Variants in ELFN1 observed in about 807,000 individuals in gnomAD.
The protein encoded by ELFN1 is protein ELFN1.
A neutral mutation model predicts 7.6 loss-of-function variants in ELFN1; 6 were observed. The observed-to-expected ratio is 0.79, with a 90% CI of 0.43 to 1.56. The LOEUF is 1.56. ELFN1 is among the 40% of genes most tolerant of loss of function. ELFN1 has a pLI of 0.01. For missense variants in ELFN1, 1,169 were observed against 1,232.2 expected, an observed-to-expected ratio of 0.95 and a Z score of 0.77; for synonymous variants, 657 against 588.1, an observed-to-expected ratio of 1.12 and a Z score of -1.70.
intron 2 of ELFN1, among the ~76,000 whole-genome samples, chr7:1,704,649 C>T (rs1779494078): frequency 6.6e-6 from 1 of 152,108 alleles, no homozygotes; most frequent in Non-Finnish European, 1.5e-5. Context: ...ACCCACTGCC[C>T]TTGCTTGGGA....
intron 3 of ELFN1, among the ~76,000 whole-genome samples, chr7:1,741,154 A>C (rs1004448535): frequency 8.7e-5 from 13 of 149,852 alleles, no homozygotes; most frequent in African/African-American, 3.2e-4. Context: ...AAAAAGAAGA[A>C]AGAAAACTTT....
At chr7:1,669,001 A>C (rs993703780), upstream of ELFN1, among the ~76,000 whole-genome samples, 1 of 152,182 alleles carries the variant, frequency 6.6e-6, no homozygotes, top group Non-Finnish European at 1.5e-5. Context: ...GAAGGAGGCC[A>C]CAAGCTCTAA....
At chr7:1,727,796 T>C (rs1210373553) in intron 3 of ELFN1, among the ~76,000 whole-genome samples, 1 of 152,176 alleles carries the variant, frequency 6.6e-6, no homozygotes, top group South Asian at 2.1e-4. Context: ...TTTGCATAGA[T>C]GGGGTCTTGC....
rs890445682 is a variant in ELFN1 at position 1,735,029 on chromosome 7, T to C, written c.-293-9275T>C. On this transcript the variant is annotated intron_variant, in intron 3 of 3. Coordinates refer to ENST00000424383, the MANE Select transcript of ELFN1 (RefSeq NM_001128636.4). This position sits in a 1 kb window ranked among gnomAD's most constrained non-coding sequence, Gnocchi z 5.9. Reference sequence around the variant, plus strand: ...GCATTTTTAAGTAGCAGTGGAGTGCTGTTGCCGCCTTCCTGGGCCTTGCCG... The same window carrying C: ...GCATTTTTAAGTAGCAGTGGAGTGCCGTTGCCGCCTTCCTGGGCCTTGCCG... Among the ~76,000 whole-genome samples, 6 of 152,166 alleles carry C rather than the reference T, an allele frequency of 3.9e-5. No homozygotes were observed. Among genetic ancestry groups the C allele is most frequent in the African/African-American group, 1.2e-4 (5 of 41,442 alleles).
intron 3 of ELFN1, among the ~76,000 whole-genome samples, chr7:1,711,653 G>A (rs1051939712): frequency 4.1e-5 from 6 of 147,278 alleles, no homozygotes; most frequent in Admixed American, 6.8e-5. Flanking sequence ...AAGCGCACTC[G>A]GAAACGGAAA....
In ELFN1 at chr7:1,739,655, C is replaced by CAG. The variant is rs1214745745; in HGVS notation, c.-293-4644_-293-4643dup. Reference sequence around the variant, plus strand: ...CGTGGGGAAGGTGAAGGAGGCTGGACAGAGAGGGCGGTGGCTGGGATGCTG... The same window carrying CAG: ...CGTGGGGAAGGTGAAGGAGGCTGGACAGAGAGAGGGCGGTGGCTGGGATGCTG... On this transcript the variant is annotated intron_variant, in intron 3 of 3. Transcript: ENST00000424383. The surrounding 1 kb of genome is among the most constrained non-coding windows in gnomAD (Gnocchi z 4.6). The CAG allele has an allele frequency of 1.3e-5, 2 of 154,702 alleles. No homozygotes were observed. Among genetic ancestry groups the CAG allele is most frequent in the African/African-American group, 4.8e-5 (2 of 41,438 alleles). 9.6% of individuals were successfully genotyped at this position (154,702 alleles called of 1,614,324 possible).
intron 2 of ELFN1, among the ~76,000 whole-genome samples, chr7:1,704,760 AG>A (rs1157842249): frequency 6.6e-6 from 1 of 151,906 alleles, no homozygotes; most frequent in Admixed American, 6.6e-5. Flanking sequence ...GCCCCCCAGT[AG>A]GGGGCAGGGA....
chr7:1,730,053 C>T (rs372718666), intron 3 of ELFN1, among the ~76,000 whole-genome samples: 3 of 152,256 alleles, frequency 2.0e-5, no homozygotes, highest in African/African-American at 4.8e-5. Context: ...ATGCCATCTC[C>T]GAATCCGCCA....
At position 1,746,688 on chromosome 7, in the gene ELFN1, C is replaced by A; in HGVS notation, c.2092C>A (p.Arg698Ser). 1 of 1,436,968 alleles carries A rather than the reference C, an allele frequency of 7.0e-7. No homozygotes were observed. The highest frequency in any genetic ancestry group is 3.1e-5 in the East Asian group (1 of 32,284). The allele number at this position is 1,436,968 out of a possible 1,614,324, so 89.0% of individuals were successfully genotyped here. A position where few individuals can be genotyped will look rare whatever the true frequency, so the allele number is the denominator to read the frequency against. ...AVLRAEAEKG[R>S]QYGEHRHSYP... The stretch of plus-strand genomic sequence containing the variant: ...GCTGCGGGCCGAGGCCGAGAAGGGT[C>A]GCCAGTACGGCGAGCACCGGCACTC... Residue 698 changes from arginine to serine, a missense_variant, in exon 4 of 4, where the codon CGC becomes AGC. Physicochemically the swap from Arg to Ser is moderately radical, Grantham distance 110. Transcript: ENST00000424383.
intron 2 of ELFN1, among the ~76,000 whole-genome samples, chr7:1,689,423 C>T (rs1457788343): frequency 2.0e-5 from 3 of 152,180 alleles, no homozygotes; most frequent in African/African-American, 7.2e-5. Context: ...GGGAGGAACA[C>T]AGATTCCCGG....
chr7:1,679,985 G>A (rs921864305), intron 1 of ELFN1, among the ~76,000 whole-genome samples: 2 of 152,226 alleles, frequency 1.3e-5, no homozygotes, highest in African/African-American at 2.4e-5. Context: ...GCCCCTGAGC[G>A]CTCCTGTGTG....
chr7:1,718,852 C>G (rs1779915026), intron 3 of ELFN1, among the ~76,000 whole-genome samples: 1 of 152,182 alleles, frequency 6.6e-6, no homozygotes, highest in Non-Finnish European at 1.5e-5. Flanking sequence ...TCTCTGGCAT[C>G]CTATCCTGGA....
In ELFN1 at chr7:1,695,243, AAGT is replaced by A. The variant is rs1246103690; in HGVS notation, c.-456+7099_-456+7101del. Among the ~76,000 whole-genome samples the A allele has an allele frequency of 6.6e-6, 1 of 152,154 alleles. No individual in the cohort carries two copies. The highest frequency in any genetic ancestry group is 2.4e-5 in the African/African-American group (1 of 41,426). On this transcript the variant is annotated intron_variant, in intron 2 of 3. Coordinates refer to ENST00000424383, the MANE Select transcript of ELFN1 (RefSeq NM_001128636.4). The surrounding 1 kb of genome is among the most constrained non-coding windows in gnomAD (Gnocchi z 5.1). ...CCTGCTCCTGCCTGAGAACCCCAGG[AAGT>A]AGTAGCGTGCCAGGTGCGTGGCCGG...
chr7:1,707,139 G>T (rs894025729), intron 2 of ELFN1, among the ~76,000 whole-genome samples: 3 of 152,246 alleles, frequency 2.0e-5, no homozygotes, highest in Non-Finnish European at 4.4e-5. Context: ...CCCAGCACAC[G>T]CATGTGAGAA....
intron 3 of ELFN1, among the ~76,000 whole-genome samples, chr7:1,712,539 C>G (rs1018950900): frequency 6.6e-6 from 1 of 151,882 alleles, no homozygotes; most frequent in Admixed American, 6.6e-5. Context: ...TCAAGTGATT[C>G]TCCTTCCTCA....
chr7:1,746,311 G>A lies in ELFN1; in HGVS notation c.1715G>A (p.Cys572Tyr). ...VDKVNQIINNCIDALKSESTS... is the reference protein window; with the variant it reads ...VDKVNQIINNYIDALKSESTS... ...AAGGTCAACCAGATCATCAACAACTGCATCGACGCGCTCAAGTCCGAGTCC... is the reference window on the plus strand; with the variant it reads ...AAGGTCAACCAGATCATCAACAACTACATCGACGCGCTCAAGTCCGAGTCC... The change falls in exon 4 of 4, where the codon TGC (cysteine) becomes TAC (tyrosine). Residue 572 changes from cysteine to tyrosine, a missense_variant. Cys to Tyr is a radical substitution (Grantham distance 194). Coordinates refer to ENST00000424383, the MANE Select transcript of ELFN1 (RefSeq NM_001128636.4). 1 of 1,579,652 alleles carries A rather than the reference G, an allele frequency of 6.3e-7. No individual in the cohort carries two copies. The highest frequency in any genetic ancestry group is 8.6e-7 in the Non-Finnish European group (1 of 1,164,044).
chr7:1,718,656 C>T (rs1048525145), intron 3 of ELFN1, among the ~76,000 whole-genome samples: 6 of 152,106 alleles, frequency 3.9e-5, no homozygotes, highest in South Asian at 4.2e-4. Context: ...CCAGGATGTG[C>T]GGTCACCCCA....
chr7:1,724,693 G>A (rs1023830147), intron 3 of ELFN1, among the ~76,000 whole-genome samples: 2 of 151,840 alleles, frequency 1.3e-5, no homozygotes, highest in African/African-American at 4.9e-5. Flanking sequence ...AGAGCCCGGG[G>A]CCCCATGAAC....
intron 2 of ELFN1, among the ~76,000 whole-genome samples, chr7:1,703,551 C>T (rs1295472059): frequency 1.3e-5 from 2 of 152,100 alleles, no homozygotes; most frequent in Non-Finnish European, 2.9e-5. Flanking sequence ...ATTTGTGGGG[C>T]TGTGGGGTGT....
Sources: gnomAD v4.1 joint callset for allele counts (sites outside exome capture counted in the v4.1 genomes callset) on GRCh38, gnomAD v4.1.1 for gene constraint, Gnocchi (gnomAD v3.1) non-coding constraint, MANE v1.5 for transcripts, NCBI Gene and HGNC (gene_info 2026-07-23, HGNC 2026-07-21) for gene names.